COL21A1: variants seen among roughly 807,000 people sequenced by gnomAD.
COL21A1 encodes the protein collagen type XXI alpha 1 chain, also known as collagen alpha-1(XXI) chain.
In COL21A1, 149 loss-of-function variants were observed where a neutral mutation model predicts 137.9. The observed-to-expected ratio is 1.08, with a 90% CI of 0.95 to 1.24. The LOEUF (loss-of-function observed/expected upper bound fraction) is 1.24, where lower values mean the gene tolerates loss of function less well. COL21A1 is among the 50% of genes most tolerant of loss of function. COL21A1 has a pLI of 0.00. For missense variants in COL21A1, 1,167 were observed against 1,158.4 expected (o/e 1.01, Z -0.11); for synonymous variants, 456 against 391.5 (o/e 1.16, Z -1.95).
At chr6:56,090,513 T>C (rs547877605) in intron 17 of COL21A1, among the ~76,000 whole-genome samples, 2 of 152,296 alleles carry the variant, frequency 1.3e-5, no homozygotes, top group East Asian at 1.9e-4. Context: ...AGTCACTACA[T>C]TGCCAACTGT....
chr6:56,309,270 C>T (rs912546839), intron 1 of COL21A1, among the ~76,000 whole-genome samples: 9 of 152,072 alleles, frequency 5.9e-5, no homozygotes, highest in African/African-American at 2.2e-4. Flanking sequence ...TATCTCCTGA[C>T]CTCGTGATCT....
chr6:56,066,652 T>C (rs551994957), intron 23 of COL21A1, among the ~76,000 whole-genome samples: 6 of 151,956 alleles, frequency 3.9e-5, no homozygotes, highest in African/African-American at 1.4e-4. Flanking sequence ...ACTCAGCTAG[T>C]GGCATCTTAT....
intron 1 of COL21A1, among the ~76,000 whole-genome samples, chr6:56,373,553 G>GT (rs1444943270): frequency 6.6e-6 from 1 of 152,218 alleles, no homozygotes. Flanking sequence ...AGTGAGCTGA[G>GT]ATCGGGCCAC....
intron 1 of COL21A1, among the ~76,000 whole-genome samples, chr6:56,257,870 C>T (rs1210360200): frequency 1.3e-5 from 2 of 151,918 alleles, no homozygotes; most frequent in East Asian, 3.9e-4. Flanking sequence ...TCAACCCTTG[C>T]ATTAAATTAT....
intron 7 of COL21A1, chr6:56,166,630 G>A (rs563983727): frequency 1.7e-5 from 8 of 472,408 alleles, no homozygotes; most frequent in East Asian, 4.3e-5. Context: ...CAGCCTGGGC[G>A]ACAAGAGTGA....
At chr6:56,352,909 C>A (rs748180229) in intron 1 of COL21A1, among the ~76,000 whole-genome samples, 1 of 151,964 alleles carries the variant, frequency 6.6e-6, no homozygotes, top group African/African-American at 2.4e-5. Context: ...GGCGTGGTGG[C>A]GCAAGTCTGT....
chr6:56,322,451 T>C (rs1764891675), intron 1 of COL21A1, among the ~76,000 whole-genome samples: 2 of 152,128 alleles, frequency 1.3e-5, no homozygotes, highest in African/African-American at 4.8e-5. Context: ...AGAAAATGCT[T>C]TCCAGGAGAT....
chr6:56,121,067 T>C (rs1772460433), intron 16 of COL21A1, among the ~76,000 whole-genome samples: 1 of 151,994 alleles, frequency 6.6e-6, no homozygotes, highest in Non-Finnish European at 1.5e-5. Context: ...ACAACATGGA[T>C]CAAACTAGAG....
intron 1 of COL21A1, among the ~76,000 whole-genome samples, chr6:56,342,212 C>T (rs80288469): frequency 0.011 from 1,598 of 152,128 alleles, 28 homozygotes; most frequent in African/African-American, 0.036. Flanking sequence ...GGGGAAAGGG[C>T]GGGTAAGTCA....
chr6:56,077,727 A>C lies in COL21A1; in HGVS notation c.1813-154T>G, dbSNP rs375559031. ...TGCTATTTGTAATAATCCAATATGG[A>C]AAAGACAACTTAGGAGATATAGCAT... On this transcript the variant is annotated intron_variant, in intron 17 of 29. Transcript: ENST00000244728. The C allele has an allele frequency of 4.2e-5, 23 of 550,760 alleles. No individual in the cohort carries two copies. In the African/African-American group the frequency reaches 4.5e-4, roughly 11 times the overall value. The allele number at this position is 550,760 out of a possible 1,614,324, so 34.1% of individuals were successfully genotyped here. A position where few individuals can be genotyped will look rare whatever the true frequency, so the allele number is the denominator to read the frequency against.
At chr6:56,223,620 T>C (rs539761540) in intron 1 of COL21A1, among the ~76,000 whole-genome samples, 3 of 152,140 alleles carry the variant, frequency 2.0e-5, no homozygotes, top group African/African-American at 7.2e-5. Flanking sequence ...ACATTGGGGT[T>C]TTGGGTAAGG....
intron 1 of COL21A1, among the ~76,000 whole-genome samples, chr6:56,256,489 G>T (rs1029034839): frequency 5.9e-5 from 9 of 151,796 alleles, no homozygotes; most frequent in Admixed American, 5.3e-4. Context: ...AAATTAATTC[G>T]CATCAAATTA....
chr6:56,329,468 C>A (rs1309388771), intron 1 of COL21A1, among the ~76,000 whole-genome samples: 1 of 152,042 alleles, frequency 6.6e-6, no homozygotes, highest in Non-Finnish European at 1.5e-5. Context: ...CATTTCCTAT[C>A]TTGATTTTTA....
chr6:56,301,827 A>G (rs540207530), intron 1 of COL21A1, among the ~76,000 whole-genome samples: 4 of 149,584 alleles, frequency 2.7e-5, no homozygotes, highest in Admixed American at 1.4e-4. Context: ...GTCATTTAAC[A>G]TTAGGTATAT....
chr6:56,275,529 T>C (rs918588555), intron 1 of COL21A1, among the ~76,000 whole-genome samples: 7 of 151,788 alleles, frequency 4.6e-5, no homozygotes, highest in African/African-American at 1.7e-4. Flanking sequence ...AAAAAACAAA[T>C]AATCCCGTTA....
intron 1 of COL21A1, among the ~76,000 whole-genome samples, chr6:56,345,455 G>C (rs1356198376): frequency 1.3e-5 from 2 of 152,086 alleles, no homozygotes; most frequent in African/African-American, 4.8e-5. Context: ...AAGAAACAAA[G>C]GTTCTGAAAA....
At chr6:56,200,167 G>A (rs1365552916) in intron 1 of COL21A1, among the ~76,000 whole-genome samples, 2 of 152,178 alleles carry the variant, frequency 1.3e-5, no homozygotes, top group African/African-American at 4.8e-5. Context: ...AGTCATGCAT[G>A]TGGGAGCAAG....
At chr6:56,217,363 ATC>A (rs1303131826) in intron 1 of COL21A1, among the ~76,000 whole-genome samples, 17 of 152,084 alleles carry the variant, frequency 1.1e-4, no homozygotes, top group Admixed American at 1.1e-3. Context: ...ACAGAACTCC[ATC>A]CCAAATGTGG....
At chr6:56,080,573 C>A (rs1202321189) in intron 17 of COL21A1, among the ~76,000 whole-genome samples, 10 of 151,780 alleles carry the variant, frequency 6.6e-5, no homozygotes, top group Admixed American at 6.6e-4. Context: ...TCACAGTATA[C>A]TCCCCATATG....
Sources: allele counts gnomAD v4.1 joint callset (sites outside exome capture counted in the v4.1 genomes callset), GRCh38; gene constraint gnomAD v4.1.1; transcripts MANE v1.5; gene names NCBI Gene and HGNC (gene_info 2026-07-23, HGNC 2026-07-21).